Variants in AGMO observed in about 807,000 individuals in gnomAD.
The protein encoded by AGMO is glyceryl-ether monooxygenase.
Under a neutral mutation model 60.2 loss-of-function variants are expected in AGMO, and 75 were observed. That is an observed-to-expected ratio of 1.25 (90% CI 1.03 to 1.51). The LOEUF is 1.51. Among genes scored for constraint, AGMO ranks in the 40% most tolerant of loss-of-function variants. The pLI is 0.00. For missense variants in AGMO, 763 were observed against 525.5 expected, an observed-to-expected ratio of 1.45 and a Z score of -4.42; for synonymous variants, 261 against 177.1, an observed-to-expected ratio of 1.47 and a Z score of -3.76.
chr7:15,532,763 A>G (rs1784401478), intron 3 of AGMO, among the ~76,000 whole-genome samples: 1 of 152,016 alleles, frequency 6.6e-6, no homozygotes, highest in South Asian at 2.1e-4. Flanking sequence ...GGCCGAGGTG[A>G]GAGGATGTCT....
At chr7:15,504,060 A>G (rs1212292894) in intron 3 of AGMO, among the ~76,000 whole-genome samples, 1 of 152,036 alleles carries the variant, frequency 6.6e-6, no homozygotes, top group African/African-American at 2.4e-5. Flanking sequence ...CTAGTCCTTT[A>G]AGGAGAAACT....
chr7:15,551,052 G>A (rs1375499652), intron 2 of AGMO, among the ~76,000 whole-genome samples: 2 of 150,702 alleles, frequency 1.3e-5, no homozygotes, highest in Non-Finnish European at 3.0e-5. Context: ...TATAAACAGA[G>A]CCAAAGACAA....
Position 15,387,532 on chromosome 7 carries a change from G to A in AGMO, c.831C>T (p.His277=), listed in dbSNP as rs139019412. 1.0e-3 allele frequency: 1,652 copies of A among 1,607,240 alleles called. 17 individuals carry two copies. The African/African-American group carries it at 0.021, about 20-fold the overall frequency. Residue 277 remains histidine (H), a synonymous_variant, in exon 9 of 13, where the codon CAC becomes CAT. Transcript: ENST00000342526. ...TFEPIKVQFH[H]LFSIWTTFWA... is the part of the protein sequence containing the mutation. ...AGAATGTAGTCCATATGGAAAATAAGTGATGGAACTAGAAACAATAAAAAA... is the reference window on the plus strand; with the variant it reads ...AGAATGTAGTCCATATGGAAAATAAATGATGGAACTAGAAACAATAAAAAA...
chr7:15,389,507 T>C (rs181529796), intron 8 of AGMO, among the ~76,000 whole-genome samples: 5 of 152,292 alleles, frequency 3.3e-5, no homozygotes, highest in Non-Finnish European at 5.9e-5. Context: ...AAATGCCATA[T>C]AGTTGAGAAG....
intron 3 of AGMO, among the ~76,000 whole-genome samples, chr7:15,527,318 C>T (rs1293361731): frequency 6.6e-6 from 1 of 152,116 alleles, no homozygotes; most frequent in Non-Finnish European, 1.5e-5. Flanking sequence ...GAAAGCAAAA[C>T]AGCCTCATTG....
intron 5 of AGMO, 99 bp downstream of exon 5, chr7:15,418,459 A>C: frequency 1.4e-6 from 1 of 718,536 alleles, no homozygotes; most frequent in Non-Finnish European, 2.3e-6. Flanking sequence ...AGGCAGACAA[A>C]GATTTTTCTT....
the AGMO span, among the ~76,000 whole-genome samples, chr7:15,125,530 A>G: frequency 3.9e-5 from 6 of 152,188 alleles, no homozygotes; most frequent in East Asian, 1.9e-4. Flanking sequence ...TGCTTTAGCT[A>G]TTATTACTCT....
At chr7:15,480,788 G>A (rs1176227207) in intron 3 of AGMO, among the ~76,000 whole-genome samples, 2 of 152,020 alleles carry the variant, frequency 1.3e-5, no homozygotes, top group Non-Finnish European at 2.9e-5. Flanking sequence ...CACTGCTACA[G>A]GAAAGTGACA....
rs1391472650 is a variant in AGMO at position 15,354,453 on chromosome 7, T to C, written c.1263+11061A>G. On this transcript the variant is annotated intron_variant, in intron 12 of 12. Coordinates refer to ENST00000342526, the MANE Select transcript of AGMO (RefSeq NM_001004320.2). ...ACGTGTGTGTATACACACGTGTGTG[T>C]ATACACACGTGTGTGTATACACACG... Among the ~76,000 whole-genome samples the C allele has an allele frequency of 1.5e-3, 30 of 20,544 alleles. 3 individuals are homozygous for C. The highest frequency in any genetic ancestry group is 8.7e-3 in the African/African-American group (26 of 2,986). The allele number at this position is 20,544 out of a possible 152,430, so 13.5% of individuals were successfully genotyped here.
At chr7:15,338,501 G>C (rs973312750) in intron 12 of AGMO, among the ~76,000 whole-genome samples, 1 of 152,126 alleles carries the variant, frequency 6.6e-6, no homozygotes, top group Non-Finnish European at 1.5e-5. Flanking sequence ...TGATAGAAAT[G>C]TACCTTCATG....
chr7:15,483,504 T>G (rs1382345190), intron 3 of AGMO, among the ~76,000 whole-genome samples: 2 of 152,122 alleles, frequency 1.3e-5, no homozygotes, highest in Non-Finnish European at 2.9e-5. Flanking sequence ...AGGCGGAGCT[T>G]GCAGTGAGCC....
At chr7:15,306,432 A>C in intron 12 of AGMO, 1 of 452,676 alleles carries the variant, frequency 2.2e-6, no homozygotes, top group Non-Finnish European at 4.5e-6. Flanking sequence ...AGAGAACTGG[A>C]TAATAGGAAA....
At chr7:15,326,038 T>C (rs1326535816) in intron 12 of AGMO, among the ~76,000 whole-genome samples, 1 of 152,098 alleles carries the variant, frequency 6.6e-6, no homozygotes, top group Admixed American at 6.6e-5. Flanking sequence ...AGAGGAAATA[T>C]TCTCATTAGA....
At chr7:15,261,300 T>A (rs1783264366) in intron 12 of AGMO, among the ~76,000 whole-genome samples, 1 of 151,978 alleles carries the variant, frequency 6.6e-6, no homozygotes, top group Non-Finnish European at 1.5e-5. Flanking sequence ...ATAAGCTCAA[T>A]TAGAAATGAA....
At chr7:15,191,113 A>G in the AGMO span, among the ~76,000 whole-genome samples, 1 of 152,180 alleles carries the variant, frequency 6.6e-6, no homozygotes, top group Non-Finnish European at 1.5e-5. Context: ...TAAGGAGCTT[A>G]AAGGTGACCT....
Position 15,537,533 on chromosome 7 carries a change from T to C in AGMO, c.409+7239A>G, listed in dbSNP as rs543145000. Among the ~76,000 whole-genome samples, 4 of 152,290 alleles carry C rather than the reference T, an allele frequency of 2.6e-5. No homozygotes were observed. The South Asian group carries it at 6.2e-4, about 24-fold the overall frequency. ...GATTACTCATTTCACAGCTTTTAATTAAATTTCTCGAAAATATTGCACAGC... is the reference window on the plus strand; with the variant it reads ...GATTACTCATTTCACAGCTTTTAATCAAATTTCTCGAAAATATTGCACAGC... On this transcript the variant is annotated intron_variant, in intron 3 of 12. Coordinates refer to ENST00000342526, the MANE Select transcript of AGMO (RefSeq NM_001004320.2).
chr7:15,210,048 T>G (rs187599474), intron 12 of AGMO, among the ~76,000 whole-genome samples: 1 of 152,170 alleles, frequency 6.6e-6, no homozygotes. Flanking sequence ...TAATAACTTT[T>G]ATTATTAAAA....
intron 12 of AGMO, among the ~76,000 whole-genome samples, chr7:15,287,064 G>A (rs1784117993): frequency 6.6e-6 from 1 of 152,092 alleles, no homozygotes. Flanking sequence ...GGACTTTGGA[G>A]ACATAGAAGC....
chr7:15,118,086 A>T, the AGMO span, among the ~76,000 whole-genome samples: 1 of 151,752 alleles, frequency 6.6e-6, no homozygotes, highest in African/African-American at 2.4e-5. Flanking sequence ...TGAAAAGTTG[A>T]CCAACTAAAT....
Sources: allele counts gnomAD v4.1 joint callset (sites outside exome capture counted in the v4.1 genomes callset), GRCh38; gene constraint gnomAD v4.1.1; transcripts MANE v1.5; gene names NCBI Gene and HGNC (gene_info 2026-07-23, HGNC 2026-07-21).